Variants in NFYA observed in about 807,000 individuals in gnomAD.
NFYA encodes CAAT-box DNA binding protein subunit A.
A neutral mutation model predicts 52.8 loss-of-function variants in NFYA; 28 were observed. The ratio of observed to expected loss-of-function variants is 0.53; its 90% CI spans 0.39 to 0.73. The LOEUF is 0.73. Ranked by LOEUF, NFYA falls within the 30% of genes least tolerant of loss-of-function variation. NFYA has a pLI of 0.00. For synonymous variants in NFYA, 150 were observed against 150.7 expected (o/e 1.00, Z 0.03); for missense variants, 234 against 427.0 (o/e 0.55, Z 3.98).
intron 6 of NFYA, 66 bp downstream of exon 6, chr6:41,090,375 C>A: frequency 2.2e-6 from 2 of 921,146 alleles, no homozygotes; most frequent in Non-Finnish European, 3.5e-6. Context: ...AGACAACTGA[C>A]ATCTTTAGAA....
chr6:41,074,788 A>G (rs1218594468), intron 1 of NFYA, among the ~76,000 whole-genome samples: 2 of 152,222 alleles, frequency 1.3e-5, no homozygotes, highest in Non-Finnish European at 2.9e-5. Flanking sequence ...CTAAGATTGA[A>G]AAAACGAGTT....
At chr6:41,094,289 C>A in intron 8 of NFYA, 107 bp from the exon 9 acceptor site, 1 of 905,718 alleles carries the variant, frequency 1.1e-6, no homozygotes, top group Non-Finnish European at 1.7e-6. Context: ...TCCCTTGTGA[C>A]TTTGATCCCA....
In NFYA at chr6:41,097,375, G is replaced by A. The variant is rs1400950091; in HGVS notation, c.1009G>A (p.Glu337Lys). The change falls in exon 10 of 10, where the codon GAA becomes AAA. Residue 337 changes from glutamate (E) to lysine (K), a missense_variant. Around this residue, in one of 3 missense-constraint regions of NFYA, gnomAD observed 35 missense variants for 34.2 expected, o/e 1.02. Coordinates refer to ENST00000341376, the MANE Select transcript of NFYA (RefSeq NM_002505.5). The stretch of plus-strand genomic sequence containing the variant: ...TCTCTAGGATCCAAACCAAGCCGAT[G>A]AAGAAGCAATGACACAGATCATCCG... ...PHMQDPNQAD[E>K]EAMTQIIRVS 4 of 1,614,002 alleles carry A rather than the reference G, an allele frequency of 2.5e-6. No individual in the cohort carries two copies. The highest frequency in any genetic ancestry group is 3.4e-6 in the Non-Finnish European group (4 of 1,179,916).
chr6:41,089,644 G>C lies in NFYA; in HGVS notation c.375G>C (p.Gln125His). 2 of 1,612,698 alleles carry C rather than the reference G, an allele frequency of 1.2e-6. No individual in the cohort carries two copies. Among genetic ancestry groups the C allele is most frequent in the Non-Finnish European group, 1.7e-6 (2 of 1,180,014 alleles). Residue 125 changes from glutamine to histidine, a missense_variant, in exon 5 of 10, where the codon CAG (glutamine) becomes CAC (histidine). Physicochemically the swap from Gln to His is conservative, Grantham distance 24 (BLOSUM62 0). Coordinates refer to ENST00000341376, the MANE Select transcript of NFYA (RefSeq NM_002505.5). Reference protein sequence around the residue: ...QGGQAVQVQGQQGQTQQIIIQ... With the variant: ...QGGQAVQVQGHQGQTQQIIIQ... ...GACAGGCTGTGCAGGTGCAGGGCCA[G>C]CAGGGCCAGACCCAGCAGATCATCA...
intron 9 of NFYA, 135 bp from the exon 10 acceptor site, chr6:41,097,222 A>G (rs1764383353): frequency 2.7e-6 from 2 of 746,518 alleles, no homozygotes; most frequent in Non-Finnish European, 4.7e-6. Flanking sequence ...ATGTATGCAG[A>G]CTTAAGATGT....
chr6:41,073,216 C>G (rs893955647), intron 1 of NFYA, 132 bp downstream of exon 1: 2 of 151,812 alleles, frequency 1.3e-5, no homozygotes, highest in Non-Finnish European at 2.9e-5. Flanking sequence ...CTAGCCGAGC[C>G]GGGCGGCCAG....
At chr6:41,074,472 C>T (rs1176115294) in intron 1 of NFYA, among the ~76,000 whole-genome samples, 1 of 152,196 alleles carries the variant, frequency 6.6e-6, no homozygotes, top group Non-Finnish European at 1.5e-5. Context: ...AGTATCCATG[C>T]GTGAGCTAGC....
chr6:41,097,483 TG>T lies in NFYA; in HGVS notation c.*76del, dbSNP rs1169639405. ...CCAGGAAATTGATCAACTCTTCCAATGGGACATTGATGATCACATTCTGCCC... is the reference window on the plus strand; with the variant it reads ...CCAGGAAATTGATCAACTCTTCCAATGGACATTGATGATCACATTCTGCCC... On this transcript the variant is annotated 3_prime_UTR_variant, in exon 10 of 10. Coordinates refer to ENST00000341376, the MANE Select transcript of NFYA (RefSeq NM_002505.5). 5.4e-6 allele frequency: 8 copies of T among 1,489,016 alleles called. No homozygotes were observed. The African/African-American group carries it at 8.3e-5, about 15-fold the overall frequency. The allele number at this position is 1,489,016 out of a possible 1,614,324, so 92.2% of individuals were successfully genotyped here.
In NFYA at chr6:41,097,476, C is replaced by T; in HGVS notation, c.*66C>T. ...CACTGTTCCAGGAAATTGATCAACTCTTCCAATGGGACATTGATGATCACA... is the reference window on the plus strand; with the variant it reads ...CACTGTTCCAGGAAATTGATCAACTTTTCCAATGGGACATTGATGATCACA... On this transcript the variant is annotated 3_prime_UTR_variant, in exon 10 of 10. Coordinates refer to ENST00000341376, the MANE Select transcript of NFYA (RefSeq NM_002505.5). 1 of 1,517,100 alleles carries T rather than the reference C, an allele frequency of 6.6e-7. No individual in the cohort carries two copies. Among genetic ancestry groups the T allele is most frequent in the African/African-American group, 1.4e-5 (1 of 73,072 alleles). 94.0% of individuals were successfully genotyped at this position (1,517,100 alleles called of 1,614,324 possible). A position where few individuals can be genotyped will look rare whatever the true frequency, so the allele number is the denominator to read the frequency against.
intron 1 of NFYA, among the ~76,000 whole-genome samples, chr6:41,073,721 C>T (rs1186800025): frequency 6.6e-6 from 1 of 152,090 alleles, no homozygotes; most frequent in East Asian, 1.9e-4. Flanking sequence ...TATGGGCCCG[C>T]CCCCGCTGTC....
At chr6:41,086,205 C>T (rs1764039308) in intron 4 of NFYA, among the ~76,000 whole-genome samples, 1 of 139,822 alleles carries the variant, frequency 7.2e-6, no homozygotes, top group Non-Finnish European at 1.5e-5. Flanking sequence ...GTGTAGTGGT[C>T]CAAGCTTTCA....
rs140980242 is a variant in NFYA at position 41,097,976 on chromosome 6, C to T, written c.*566C>T. On this transcript the variant is annotated 3_prime_UTR_variant, in exon 10 of 10. Transcript: ENST00000341376. ...CAATCTGTGGTAATAATAAGAATTC[C>T]TCTCTGCCCAGATGGTAGGTTGATA... is the stretch of plus-strand genomic sequence containing the variant. 1.3e-5 allele frequency: 2 copies of T among 152,888 alleles called. No individual in the cohort carries two copies. The highest frequency in any genetic ancestry group is 4.8e-5 in the African/African-American group (2 of 41,552). The allele number at this position is 152,888 out of a possible 1,614,324, so 9.5% of individuals were successfully genotyped here.
rs753986397 is a variant in NFYA, at chr6:41,094,486, C to T, written c.979C>T (p.Pro327Ser). Residue 327 changes from proline to serine, a missense_variant, in exon 9 of 10, where the codon CCC becomes TCC. Physicochemically the swap from Pro to Ser is moderately conservative, Grantham distance 74. Transcript: ENST00000341376. ...RFFSPKEKDS[P>S]HMQDPNQADE... ...TTTCTCTCCAAAGGAAAAGGATAGT[C>T]CCCATATGCAGGTAGGAAGACATAT... 5 of 1,613,166 alleles carry T rather than the reference C, an allele frequency of 3.1e-6. No individual in the cohort carries two copies. The highest frequency in any genetic ancestry group is 4.2e-6 in the Non-Finnish European group (5 of 1,179,108).
At chr6:41,085,060 A>T (rs1333231854) in intron 4 of NFYA, among the ~76,000 whole-genome samples, 2 of 152,254 alleles carry the variant, frequency 1.3e-5, no homozygotes, top group Non-Finnish European at 2.9e-5. Context: ...GATGGCAAAA[A>T]AAAACAAAAA....
chr6:41,097,309 T>A (rs886660316), intron 9 of NFYA, 48 bp from the exon 10 acceptor site: 8 of 1,580,874 alleles, frequency 5.1e-6, no homozygotes. Flanking sequence ...CATGAGTTCC[T>A]GTTGCTTTTG....
chr6:41,079,800 A>G (rs531036499), intron 2 of NFYA, among the ~76,000 whole-genome samples: 4 of 152,318 alleles, frequency 2.6e-5, no homozygotes, highest in Admixed American at 2.6e-4. Context: ...TTATGTTTCT[A>G]TTTGACCTTA....
At chr6:41,073,515 C>T (rs959020052) in intron 1 of NFYA, among the ~76,000 whole-genome samples, 1 of 152,084 alleles carries the variant, frequency 6.6e-6, no homozygotes, top group Admixed American at 6.5e-5. Context: ...TGCCCTTGCA[C>T]TCTCCACTCT....
intron 4 of NFYA, among the ~76,000 whole-genome samples, chr6:41,087,087 T>A (rs1764070688): frequency 6.6e-6 from 1 of 152,192 alleles, no homozygotes; most frequent in Admixed American, 6.5e-5. Context: ...AAATAACGTT[T>A]ATGTATTTAT....
chr6:41,088,684 A>C (rs1350163575), intron 4 of NFYA, among the ~76,000 whole-genome samples: 1 of 151,550 alleles, frequency 6.6e-6, no homozygotes, highest in African/African-American at 2.4e-5. Context: ...TCCCAGGCTC[A>C]AATGATCCTC....
Sources: gnomAD v4.1 joint callset for allele counts (sites outside exome capture counted in the v4.1 genomes callset) on GRCh38, gnomAD v4.1.1 for gene constraint, gnomAD v4.1.1 regional missense constraint, MANE v1.5 for transcripts, NCBI Gene and HGNC (gene_info 2026-07-23, HGNC 2026-07-21) for gene names.